The following FRMD4B variants were observed in gnomAD, a reference collection of about 807,000 sequenced individuals.
The protein encoded by FRMD4B is FERM domain containing 4B.
FRMD4B carries 74 observed loss-of-function variants against 141.5 expected under a neutral mutation model. That is an observed-to-expected ratio of 0.52 (90% CI 0.43 to 0.63). The LOEUF (loss-of-function observed/expected upper bound fraction) is 0.63. Ranked by LOEUF, FRMD4B falls within the 30% of genes least tolerant of loss-of-function variation. FRMD4B has a pLI of 0.00. For synonymous variants in FRMD4B, 506 were observed against 467.9 expected, an observed-to-expected ratio of 1.08 and a Z score of -1.05; for missense variants, 1,366 against 1,253.4, an observed-to-expected ratio of 1.09 and a Z score of -1.36.
intron 5 of FRMD4B, among the ~76,000 whole-genome samples, chr3:69,252,856 G>C (rs558114493): frequency 2.6e-5 from 4 of 152,150 alleles, no homozygotes; most frequent in African/African-American, 9.7e-5. Context: ...GGACACTTCA[G>C]TGAGTTTCCA....
At chr3:69,283,425 A>G (rs570909773) in intron 5 of FRMD4B, among the ~76,000 whole-genome samples, 361 of 33,268 alleles carry the variant, frequency 0.011, 1 homozygote, top group African/African-American at 0.015. Flanking sequence ...AAAAGCAACA[A>G]CAACAAAAAA....
intron 5 of FRMD4B, among the ~76,000 whole-genome samples, chr3:69,282,501 C>G (rs2093649075): frequency 6.6e-6 from 1 of 152,138 alleles, no homozygotes; most frequent in African/African-American, 2.4e-5. Context: ...GTCTCTGTGG[C>G]CATGGTTCAG....
intron 3 of FRMD4B, among the ~76,000 whole-genome samples, chr3:69,303,696 A>G (rs1701294898): frequency 1.3e-5 from 2 of 152,108 alleles, no homozygotes; most frequent in Non-Finnish European, 2.9e-5. Flanking sequence ...TTGGGAGGCC[A>G]AGGCAGGCAG....
At chr3:69,199,489 CA>C (rs1480919771) in intron 11 of FRMD4B, among the ~76,000 whole-genome samples, 1 of 152,174 alleles carries the variant, frequency 6.6e-6, no homozygotes, top group Non-Finnish European at 1.5e-5. Flanking sequence ...GATTGAATTT[CA>C]AAAGAATACA....
intron 22 of FRMD4B, among the ~76,000 whole-genome samples, chr3:69,175,071 GA>G (rs1297034704): frequency 1.5e-4 from 22 of 150,454 alleles, no homozygotes; most frequent in East Asian, 9.7e-4. Context: ...GAATGCGGAG[GA>G]AAAAAAAAGG....
intron 1 of FRMD4B, among the ~76,000 whole-genome samples, chr3:69,329,596 T>C (rs1702301202): frequency 6.8e-6 from 1 of 147,520 alleles, no homozygotes; most frequent in Non-Finnish European, 1.5e-5. Flanking sequence ...GGTGTGATCT[T>C]GGCTCACTGC....
intron 11 of FRMD4B, among the ~76,000 whole-genome samples, chr3:69,212,369 A>G (rs9824040): frequency 0.011 from 1,022 of 93,408 alleles, 25 homozygotes; most frequent in African/African-American, 0.034. Flanking sequence ...CAAAAAAAAA[A>G]AAAAAAAAAA....
chr3:69,508,727 T>G (rs1178576106), intron 1 of FRMD4B, among the ~76,000 whole-genome samples: 1 of 152,206 alleles, frequency 6.6e-6, no homozygotes, highest in Non-Finnish European at 1.5e-5. Context: ...AAGAATAGGT[T>G]GCATTATCTG....
In FRMD4B at chr3:69,483,718, A is replaced by C. The variant is rs557481163; in HGVS notation, c.-128-50957T>G. ...TCTCTTCGCCAACTTCTAAAAATAA[A>C]AGGCAATAAATGTTAACCAACTGTG... On this transcript the variant is annotated intron_variant, in intron 1 of 5. Transcript: ENST00000459638. Among the ~76,000 whole-genome samples, 10 of 152,356 alleles carry C rather than the reference A, an allele frequency of 6.6e-5. No homozygotes were observed. The South Asian group carries it at 8.3e-4, about 13-fold the overall frequency.
At chr3:69,403,661 T>C (rs1295883890) in intron 2 of FRMD4B, among the ~76,000 whole-genome samples, 1 of 152,104 alleles carries the variant, frequency 6.6e-6, no homozygotes, top group African/African-American at 2.4e-5. Context: ...ATAGAAAGCT[T>C]AAATATACAC....
At chr3:69,498,454 G>C (rs1327618562) in intron 1 of FRMD4B, among the ~76,000 whole-genome samples, 2 of 152,176 alleles carry the variant, frequency 1.3e-5, no homozygotes, top group African/African-American at 4.8e-5. Context: ...GAGAGAGAGA[G>C]ACAGAAAGAG....
intron 11 of FRMD4B, among the ~76,000 whole-genome samples, chr3:69,203,608 C>T (rs985702920): frequency 1.3e-5 from 2 of 152,172 alleles, no homozygotes; most frequent in African/African-American, 4.8e-5. Flanking sequence ...ACTGCCACTT[C>T]TAGCTGTGTT....
chr3:69,313,512 T>G lies in FRMD4B; in HGVS notation c.168A>C (p.Thr56=), dbSNP rs1701677767. 2.6e-6 allele frequency: 4 copies of G among 1,566,250 alleles called. No individual in the cohort carries two copies. The South Asian group carries it at 4.7e-5, about 18-fold the overall frequency. Residue 56 remains threonine (T), a synonymous_variant, in exon 2 of 23, where the codon ACA becomes ACC. Transcript: ENST00000398540. ...GGTGCACCTGGCAGTGCCTGCCTTC[T>G]GTCATCTGCAGGAACAAGACAGCAA... ...WCGLQDVYQM[T]EGRHCQVHLL...
At chr3:69,467,047 T>C (rs1045856781) in intron 1 of FRMD4B, among the ~76,000 whole-genome samples, 3 of 152,170 alleles carry the variant, frequency 2.0e-5, no homozygotes, top group East Asian at 3.9e-4. Context: ...CCCCGCCTTC[T>C]AGGCAAAGCA....
intron 1 of FRMD4B, among the ~76,000 whole-genome samples, chr3:69,528,246 C>T (rs1009792264): frequency 2.6e-5 from 4 of 151,584 alleles, no homozygotes; most frequent in Non-Finnish European, 5.9e-5. Flanking sequence ...CCCTCCCTGC[C>T]TCCCTCCCTC....
At chr3:69,264,297 T>G (rs2093547048) in intron 5 of FRMD4B, among the ~76,000 whole-genome samples, 1 of 152,218 alleles carries the variant, frequency 6.6e-6, no homozygotes, top group African/African-American at 2.4e-5. Flanking sequence ...GCAGGAATTG[T>G]TATCTGTTTT....
chr3:69,451,418 G>T (rs113034361), intron 1 of FRMD4B, among the ~76,000 whole-genome samples: 3 of 152,202 alleles, frequency 2.0e-5, no homozygotes, highest in African/African-American at 7.2e-5. Context: ...ATCAGTGGAA[G>T]AATATATTGT....
At chr3:69,242,832 A>C (rs1377065649) in intron 7 of FRMD4B, among the ~76,000 whole-genome samples, 1 of 151,520 alleles carries the variant, frequency 6.6e-6, no homozygotes, top group Non-Finnish European at 1.5e-5. Context: ...GTCTCTACTA[A>C]AAAATACAAA....
intron 5 of FRMD4B, among the ~76,000 whole-genome samples, chr3:69,255,140 C>A (rs2093485177): frequency 6.6e-6 from 1 of 151,942 alleles, no homozygotes; most frequent in African/African-American, 2.4e-5. Context: ...TGAATGTGAT[C>A]ATTATAATTA....
Sources: allele counts gnomAD v4.1 joint callset (sites outside exome capture counted in the v4.1 genomes callset), GRCh38; gene constraint gnomAD v4.1.1; transcripts MANE v1.5; gene names NCBI Gene and HGNC (gene_info 2026-07-23, HGNC 2026-07-21).